RHOBTB3: variants seen among roughly 807,000 people sequenced by gnomAD.
The protein encoded by RHOBTB3 is rho-related BTB domain-containing protein 3.
Under a neutral mutation model 67.2 loss-of-function variants are expected in RHOBTB3, and 47 were observed. The ratio of observed to expected loss-of-function variants is 0.70; its 90% confidence interval spans 0.55 to 0.89. The LOEUF is 0.89. Ranked by LOEUF, RHOBTB3 falls within the 40% of genes least tolerant of loss-of-function variation. The pLI is 0.00. For synonymous variants in RHOBTB3, 273 were observed against 274.2 expected (o/e 1.00, Z 0.04); for missense variants, 631 against 750.0 (o/e 0.84, Z 1.85).
In RHOBTB3 at chr5:95,795,754, A is replaced by G. The variant is rs1283484053; in HGVS notation, c.*2580A>G. On this transcript the variant is annotated 3_prime_UTR_variant, in exon 12 of 12. Transcript: ENST00000379982. ...AGTACCTTTAACTCAATTTAATATA[A>G]CAAGAAATCGTAAAATACTTATAAC... 6.6e-6 allele frequency: 1 copy of G among 152,270 alleles called. No homozygotes were observed. The highest frequency in any genetic ancestry group is 1.5e-5 in the Non-Finnish European group (1 of 68,052). 9.4% of individuals were successfully genotyped at this position (152,270 alleles called of 1,614,324 possible).
intron 8 of RHOBTB3, among the ~76,000 whole-genome samples, chr5:95,772,944 G>A (rs1011717750): frequency 1.3e-5 from 2 of 152,088 alleles, no homozygotes; most frequent in Non-Finnish European, 2.9e-5. Context: ...TGAATGCCTG[G>A]CCCCATCATA....
At position 95,763,508 on chromosome 5, in the gene RHOBTB3, G is replaced by T. The variant is rs780695100; in HGVS notation, c.1049G>T (p.Gly350Val). ...CCAGCATGTACTAATTTGTTTACAG[G>T]TGCTTTTCAGTGGGAAGAATTGGAA... ...LSDILRFIYS[G>V]AFQWEELEED... Residue 350 changes from glycine (G) to valine (V), a missense_variant and splice_region_variant, in exon 7 of 12, where the codon GGT becomes GTT. Physicochemically the swap from Gly to Val is moderately radical, Grantham distance 109. Coordinates refer to ENST00000379982, the MANE Select transcript of RHOBTB3 (RefSeq NM_014899.4). 1 of 1,593,048 alleles carries T rather than the reference G, an allele frequency of 6.3e-7. No homozygotes were observed. The highest frequency in any genetic ancestry group is 2.2e-5 in the East Asian group (1 of 44,664).
At chr5:95,748,296 A>G in intron 3 of RHOBTB3, 37 bp from the exon 4 acceptor site, 2 of 1,531,534 alleles carry the variant, frequency 1.3e-6, no homozygotes, top group South Asian at 2.4e-5. Context: ...TTCCTGTTTA[A>G]TTTCGAAACT....
At chr5:95,732,420 T>A (rs1386850368) in intron 2 of RHOBTB3, 1 of 543,328 alleles carries the variant, frequency 1.8e-6, no homozygotes, top group Non-Finnish European at 3.3e-6. Context: ...CAAAAAGCAG[T>A]GTTTTTTTAT....
In RHOBTB3 at chr5:95,737,061, G is replaced by A; in HGVS notation, c.401G>A (p.Gly134Asp). 1 of 1,580,978 alleles carries A rather than the reference G, an allele frequency of 6.3e-7. No individual in the cohort carries two copies. The highest frequency in any genetic ancestry group is 8.7e-7 in the Non-Finnish European group (1 of 1,153,154). Reference sequence around the variant, plus strand: ...GTTCCAGTAATTATTGCTGCTGTTGGTACCAGACAAAATGGTAAGTATTTA... The same window carrying A: ...GTTCCAGTAATTATTGCTGCTGTTGATACCAGACAAAATGGTAAGTATTTA... ...NSVPVIIAAV[G>D]TRQNEELPCT... Residue 134 changes from glycine to aspartate, a missense_variant, in exon 3 of 12, where the codon GGT becomes GAT. By Grantham distance (94) the Gly-to-Asp change is moderately conservative (BLOSUM62 -1). Transcript: ENST00000379982.
intron 8 of RHOBTB3, among the ~76,000 whole-genome samples, chr5:95,772,151 T>C (rs1467696128): frequency 6.6e-6 from 1 of 152,140 alleles, no homozygotes; most frequent in Non-Finnish European, 1.5e-5. Context: ...GGCAAACCAT[T>C]CCAGTGACCA....
chr5:95,719,375 C>T (rs1178037184), intron 1 of RHOBTB3, among the ~76,000 whole-genome samples: 1 of 152,124 alleles, frequency 6.6e-6, no homozygotes, highest in Non-Finnish European at 1.5e-5. Context: ...AAAGATTCCG[C>T]AGGAAGCAAA....
At chr5:95,767,812 T>C in intron 7 of RHOBTB3, 1 of 703,724 alleles carries the variant, frequency 1.4e-6, no homozygotes. Flanking sequence ...GAGTTTTCAC[T>C]TAGGCAATTT....
At chr5:95,783,527 A>G (rs1746124487) in intron 9 of RHOBTB3, 1 of 189,850 alleles carries the variant, frequency 5.3e-6, no homozygotes, top group Non-Finnish European at 1.0e-5. Context: ...GGAGTTCAAG[A>G]CCAGCCTGGG....
intron 6 of RHOBTB3, among the ~76,000 whole-genome samples, chr5:95,763,041 C>T (rs1416080557): frequency 1.3e-5 from 2 of 152,248 alleles, no homozygotes; most frequent in East Asian, 1.9e-4. Context: ...CCCAGTCTGC[C>T]CCTGACAATG....
rs117402891 is a variant in RHOBTB3, at chr5:95,749,789, C to T, written c.570+1302C>T. 3.2e-4 allele frequency among the ~76,000 whole-genome samples: 48 copies of T among 152,260 alleles called. 1 individual carries two copies. In the East Asian group the frequency reaches 8.7e-3, roughly 28 times the overall value. ...TTGGTTTCATTTGTTGAGGGGAGGC[C>T]GTTCCCTTGGAAGCCACAGGTCTCC... On this transcript the variant is annotated intron_variant, in intron 4 of 11. Transcript: ENST00000379982.
chr5:95,796,359 C>G lies in RHOBTB3; in HGVS notation c.*3185C>G, dbSNP rs370978447. On this transcript the variant is annotated 3_prime_UTR_variant, in exon 12 of 12. Coordinates refer to ENST00000379982, the MANE Select transcript of RHOBTB3 (RefSeq NM_014899.4). ...TGTAACAAATAAACCTTTTTTAAAA[C>G]AAGTTTAACGAAGTGTCCTGTAATT... The G allele has an allele frequency of 6.6e-6, 1 of 152,018 alleles. No individual in the cohort carries two copies. Among genetic ancestry groups the G allele is most frequent in the Non-Finnish European group, 1.5e-5 (1 of 67,992 alleles). The allele number at this position is 152,018 out of a possible 1,614,324, so 9.4% of individuals were successfully genotyped here. A position where few individuals can be genotyped will look rare whatever the true frequency, so the allele number is the denominator to read the frequency against.
chr5:95,732,684 A>G (rs1001368495), intron 2 of RHOBTB3: 1 of 133,750 alleles, frequency 7.5e-6, no homozygotes, highest in Non-Finnish European at 1.6e-5. Context: ...CTCATAAATC[A>G]GAAATAACAT....
intron 6 of RHOBTB3, among the ~76,000 whole-genome samples, chr5:95,756,573 T>C (rs1561446933): frequency 6.6e-6 from 1 of 152,362 alleles, no homozygotes; most frequent in South Asian, 2.1e-4. Context: ...TTTGATTTTT[T>C]ACTGCCATAC....
intron 10 of RHOBTB3, among the ~76,000 whole-genome samples, chr5:95,786,377 C>G (rs1419022159): frequency 6.6e-6 from 1 of 152,188 alleles, no homozygotes; most frequent in Non-Finnish European, 1.5e-5. Flanking sequence ...TGTCAGGAAA[C>G]ATCATTCATA....
chr5:95,761,268 T>TA (rs1188298564), intron 6 of RHOBTB3, among the ~76,000 whole-genome samples: 2 of 152,154 alleles, frequency 1.3e-5, no homozygotes, highest in East Asian at 1.9e-4. Context: ...AAAAAATACT[T>TA]ACATGTTCCC....
At chr5:95,759,070 G>C (rs1745324381) in intron 6 of RHOBTB3, among the ~76,000 whole-genome samples, 1 of 152,262 alleles carries the variant, frequency 6.6e-6, no homozygotes. Flanking sequence ...TGGATGCCTA[G>C]TGGTTGGGTG....
chr5:95,763,678 C>A, intron 7 of RHOBTB3, 58 bp downstream of exon 7: 1 of 937,902 alleles, frequency 1.1e-6, no homozygotes, highest in Non-Finnish European at 1.7e-6. Context: ...AACTCACATA[C>A]TATGATGAAT....
chr5:95,774,180 G>C (rs1257647175), intron 8 of RHOBTB3, among the ~76,000 whole-genome samples: 1 of 151,790 alleles, frequency 6.6e-6, no homozygotes, highest in African/African-American at 2.4e-5. Flanking sequence ...AAATGGGCAT[G>C]ATGATTAGAA....
Sources: allele counts gnomAD v4.1 joint callset (sites outside exome capture counted in the v4.1 genomes callset), GRCh38; gene constraint gnomAD v4.1.1; transcripts MANE v1.5; gene names NCBI Gene and HGNC (gene_info 2026-07-23, HGNC 2026-07-21).